Variants in SORBS3 observed in about 807,000 individuals in gnomAD.
SORBS3 encodes vinexin.
SORBS3 carries 69 observed loss-of-function variants against 98.0 expected under a neutral mutation model. The ratio of observed to expected loss-of-function variants is 0.70; its 90% CI spans 0.58 to 0.86. The LOEUF (loss-of-function observed/expected upper bound fraction) is 0.86. Among genes scored for constraint, SORBS3 ranks in the 40% least tolerant of loss-of-function variants. SORBS3 has a pLI of 0.00. For synonymous variants in SORBS3, 394 were observed against 355.4 expected (o/e 1.11, Z -1.22); for missense variants, 954 against 908.5 (o/e 1.05, Z -0.64).
chr8:22,551,013 G>A (rs542696647), upstream of SORBS3, among the ~76,000 whole-genome samples: 26 of 152,340 alleles, frequency 1.7e-4, no homozygotes, highest in African/African-American at 4.8e-4. This position sits in a 1 kb window ranked among gnomAD's most constrained non-coding sequence, Gnocchi z 5.8. Context: ...TGGGGAGCCG[G>A]AAGGGCCGGG....
intron 5 of SORBS3, among the ~76,000 whole-genome samples, chr8:22,560,247 GTTCAA>G (rs1169716326): frequency 1.3e-5 from 2 of 152,052 alleles, no homozygotes; most frequent in Admixed American, 1.3e-4. Flanking sequence ...AGGCTGAGGA[GTTCAA>G]TTCAATTCCT....
intron 3 of SORBS3, among the ~76,000 whole-genome samples, chr8:22,555,650 A>T (rs1168569596): frequency 6.6e-6 from 1 of 152,144 alleles, no homozygotes; most frequent in Admixed American, 6.5e-5. Context: ...CAGGAGTTCG[A>T]GACCAGCCTG....
chr8:22,571,582 G>A (rs1257801260), intron 18 of SORBS3, 136 bp from the exon 19 acceptor site: 1 of 671,668 alleles, frequency 1.5e-6, no homozygotes, highest in Non-Finnish European at 2.7e-6. Flanking sequence ...TGGGGGTTTG[G>A]AGGCTAAGAT....
chr8:22,550,367 C>G (rs1840062566), upstream of SORBS3, among the ~76,000 whole-genome samples: 1 of 152,206 alleles, frequency 6.6e-6, no homozygotes, highest in South Asian at 2.1e-4. Flanking sequence ...AACTGGCAGA[C>G]TCAGAACCCC....
intron 20 of SORBS3, chr8:22,573,509 C>A (rs1237740276): frequency 4.6e-6 from 2 of 436,894 alleles, no homozygotes; most frequent in Non-Finnish European, 9.2e-6. Flanking sequence ...TGCACAGGCA[C>A]ATCTCAAGTG....
chr8:22,571,439 G>T (rs1840582197), intron 18 of SORBS3, among the ~76,000 whole-genome samples: 1 of 152,168 alleles, frequency 6.6e-6, no homozygotes. Context: ...CCCAAAGCCG[G>T]CCCAGGCTCC....
chr8:22,574,521 A>C, intron 20 of SORBS3, 146 bp from the exon 21 acceptor site: 1 of 735,650 alleles, frequency 1.4e-6, no homozygotes, highest in East Asian at 2.5e-5. Flanking sequence ...GGCAGGAAGG[A>C]GGAGAGCAAA....
chr8:22,564,483 G>T lies in SORBS3; in HGVS notation c.778G>T (p.Val260Leu), dbSNP rs1268915164. ...TACCCTTCAGCCCAAGAAACCGCTG[G>T]TGGACGACCCTGGTGAGAAGCCCTC... ...ETGQRPKKPL[V>L]DDPGEKPSQP... is the part of the protein sequence containing the mutation. Residue 260 changes from valine (V) to leucine (L), a missense_variant, in exon 10 of 21, where the codon GTG (valine) becomes TTG (leucine). By Grantham distance (32) the Val-to-Leu change is conservative (BLOSUM62 1). Transcript: ENST00000240123. The T allele has an allele frequency of 6.2e-7, 1 of 1,614,102 alleles. No homozygotes were observed. The highest frequency in any genetic ancestry group is 8.5e-7 in the Non-Finnish European group (1 of 1,180,020).
intron 5 of SORBS3, among the ~76,000 whole-genome samples, chr8:22,560,297 A>AT (rs1343968236): frequency 1.3e-5 from 2 of 152,064 alleles, no homozygotes; most frequent in African/African-American, 4.8e-5. Flanking sequence ...CTTGGGCAAC[A>AT]TAGCATGATC....
In SORBS3 at chr8:22,554,405, G is replaced by A; in HGVS notation, c.-55-47G>A. On this transcript the variant is annotated intron_variant, in intron 1 of 20. Coordinates refer to ENST00000240123, the MANE Select transcript of SORBS3 (RefSeq NM_005775.5). The surrounding 1 kb of genome is among the most constrained non-coding windows in gnomAD (Gnocchi z 6.5). ...CCAGGGTCGAGCCAAGAGGGCATGG[G>A]CAGCCTAGCCTAGCAGGGCTTTCCC... is the stretch of plus-strand genomic sequence containing the variant. 3 of 1,509,698 alleles carry A rather than the reference G, an allele frequency of 2.0e-6. No individual in the cohort carries two copies. Among genetic ancestry groups the A allele is most frequent in the South Asian group, 1.3e-5 (1 of 76,316 alleles). 93.5% of individuals were successfully genotyped at this position (1,509,698 alleles called of 1,614,324 possible). A position where few individuals can be genotyped will look rare whatever the true frequency, so the allele number is the denominator to read the frequency against.
At chr8:22,563,834 A>G (rs1487643202) in intron 7 of SORBS3, among the ~76,000 whole-genome samples, 153 bp from the exon 8 acceptor site, 1 of 152,192 alleles carries the variant, frequency 6.6e-6, no homozygotes, top group African/African-American at 2.4e-5. Flanking sequence ...ACACACTTCC[A>G]CAGTTTAATC....
chr8:22,568,098 C>T (rs891774587), intron 16 of SORBS3, among the ~76,000 whole-genome samples: 8 of 152,154 alleles, frequency 5.3e-5, no homozygotes, highest in African/African-American at 9.7e-5. Context: ...GTGATCCACC[C>T]GCCTCAGCCT....
intron 1 of SORBS3, among the ~76,000 whole-genome samples, chr8:22,553,462 C>A (rs1270885824): frequency 1.3e-5 from 2 of 152,186 alleles, no homozygotes; most frequent in Non-Finnish European, 2.9e-5. Flanking sequence ...GGTCAAAAAG[C>A]CCCCTTGGAC....
At chr8:22,545,749 C>T (rs916952063) in intron 1 of SORBS3, among the ~76,000 whole-genome samples, 2 of 152,254 alleles carry the variant, frequency 1.3e-5, no homozygotes, top group Admixed American at 6.5e-5. Flanking sequence ...CACATTCCTT[C>T]ACTCCCTTGA....
At position 22,554,239 on chromosome 8, in the gene SORBS3, A is replaced by C; in HGVS notation, c.-55-213A>C. 9.0e-6 allele frequency: 3 copies of C among 332,176 alleles called. No individual in the cohort carries two copies. The highest frequency in any genetic ancestry group is 1.1e-5 in the Non-Finnish European group (2 of 180,192). The allele number at this position is 332,176 out of a possible 1,614,324, so 20.6% of individuals were successfully genotyped here. A position where few individuals can be genotyped will look rare whatever the true frequency, so the allele number is the denominator to read the frequency against. On this transcript the variant is annotated intron_variant, in intron 1 of 20. Coordinates refer to ENST00000240123, the MANE Select transcript of SORBS3 (RefSeq NM_005775.5). This position sits in a 1 kb window ranked among gnomAD's most constrained non-coding sequence, Gnocchi z 6.5. The stretch of plus-strand genomic sequence containing the variant: ...CCGGAGCTCCTGCCCTGGGCCTAAC[A>C]AGTGGTCCATTGTGCCCCTGGGAGC...
chr8:22,559,366 G>T (rs1840247671), intron 5 of SORBS3, among the ~76,000 whole-genome samples: 1 of 152,194 alleles, frequency 6.6e-6, no homozygotes, highest in Non-Finnish European at 1.5e-5. Context: ...GCAAGTTGAA[G>T]ATTGGAGTTG....
chr8:22,555,047 G>T, intron 3 of SORBS3, 67 bp downstream of exon 3: 2 of 1,350,362 alleles, frequency 1.5e-6, no homozygotes, highest in South Asian at 2.4e-5. Flanking sequence ...GCACTGCCCT[G>T]TGTCAAGCGG....
intron 17 of SORBS3, 138 bp from the exon 18 acceptor site, chr8:22,570,771 CG>C (rs1188610336): frequency 2.8e-6 from 2 of 719,454 alleles, no homozygotes; most frequent in African/African-American, 3.6e-5. Context: ...CCGTGTGACT[CG>C]GGTAAACTGC....
intron 12 of SORBS3, 134 bp from the exon 13 acceptor site, chr8:22,566,211 G>C (rs1840414720): frequency 8.5e-7 from 1 of 1,181,210 alleles, no homozygotes; most frequent in African/African-American, 1.6e-5. Flanking sequence ...ATCCTGTGGA[G>C]AGCCCAGGAC....
Sources: gnomAD v4.1 joint callset for allele counts (sites outside exome capture counted in the v4.1 genomes callset) on GRCh38, gnomAD v4.1.1 for gene constraint, Gnocchi (gnomAD v3.1) non-coding constraint, MANE v1.5 for transcripts, NCBI Gene and HGNC (gene_info 2026-07-23, HGNC 2026-07-21) for gene names.